Variants in APBA2 observed in about 807,000 individuals in gnomAD.
APBA2 encodes amyloid-beta A4 precursor protein-binding family A member 2.
A neutral mutation model predicts 75.0 loss-of-function variants in APBA2; 30 were observed. The observed-to-expected ratio is 0.40, with a 90% CI of 0.30 to 0.54. APBA2 has a LOEUF of 0.54. APBA2 is among the 20% of genes least tolerant of loss of function. The pLI is 0.49. For synonymous variants in APBA2, 444 were observed against 409.6 expected, an observed-to-expected ratio of 1.08 and a Z score of -1.01; for missense variants, 801 against 1,016.1, an observed-to-expected ratio of 0.79 and a Z score of 2.88.
At chr15:29,089,805 G>C (rs1332333936) in intron 6 of APBA2, among the ~76,000 whole-genome samples, 1 of 152,190 alleles carries the variant, frequency 6.6e-6, no homozygotes, top group African/African-American at 2.4e-5. Flanking sequence ...GGTGTGAAAA[G>C]GATAAATCAC....
At chr15:28,919,308 G>C (rs1209916019) in intron 1 of APBA2, 1 of 152,232 alleles carries the variant, frequency 6.6e-6, no homozygotes. Context: ...TGGGCACTGC[G>C]ACACACAGAA....
chr15:29,068,421 G>A (rs948880072), intron 4 of APBA2, among the ~76,000 whole-genome samples: 2 of 152,238 alleles, frequency 1.3e-5, no homozygotes, highest in Admixed American at 6.5e-5. Context: ...CCCTAGTTCC[G>A]CAGCACTGGT....
At chr15:28,929,270 C>A (rs2034438238) in intron 2 of APBA2, among the ~76,000 whole-genome samples, 1 of 152,176 alleles carries the variant, frequency 6.6e-6, no homozygotes. Flanking sequence ...CTTGCACCCA[C>A]AAGACAGCCT....
intron 2 of APBA2, among the ~76,000 whole-genome samples, chr15:28,948,948 G>T (rs1466801733): frequency 3.3e-5 from 5 of 151,884 alleles, no homozygotes; most frequent in African/African-American, 7.3e-5. Flanking sequence ...TTGTAAAGCG[G>T]GGGGTGGGGC....
chr15:28,923,760 G>A (rs1223990809), intron 2 of APBA2, among the ~76,000 whole-genome samples: 1 of 152,160 alleles, frequency 6.6e-6, no homozygotes, highest in East Asian at 1.9e-4. Flanking sequence ...CTATTGAGTA[G>A]CCCCCTGCTT....
At position 29,054,480 on chromosome 15, in the gene APBA2, A is replaced by C. The variant is rs1277537835; in HGVS notation, c.596A>C (p.Glu199Ala). The part of the protein sequence containing the change: ...SKEGYQDYYP[E>A]EANGNTGASP... ...GAGGGCTACCAGGACTACTACCCCG[A>C]GGAGGCCAACGGGAACACCGGCGCC... The change falls in exon 4 of 15, where the codon GAG becomes GCG. Residue 199 changes from glutamate (E) to alanine (A), a missense_variant. Around this residue, in one of 2 missense-constraint regions of APBA2, gnomAD observed 434 missense variants for 471.6 expected, o/e 0.92. Transcript: ENST00000683413. The surrounding 1 kb of genome is among the most constrained non-coding windows in gnomAD (Gnocchi z 6.1). 6.2e-7 allele frequency: 1 copy of C among 1,614,068 alleles called. No individual in the cohort carries two copies. The highest frequency in any genetic ancestry group is 1.7e-5 in the Admixed American group (1 of 60,012).
rs879267168 is a variant in APBA2, at chr15:29,045,098, TC to T, written c.-40-8746del. Among the ~76,000 whole-genome samples the T allele has an allele frequency of 6.4e-3, 821 of 128,736 alleles. 7 individuals are homozygous for T. The highest frequency in any genetic ancestry group is 0.028 in the Middle Eastern group (8 of 282). The allele number at this position is 128,736 out of a possible 152,430, so 84.5% of individuals were successfully genotyped here. A position where few individuals can be genotyped will look rare whatever the true frequency, so the allele number is the denominator to read the frequency against. On this transcript the variant is annotated intron_variant, in intron 3 of 14. Transcript: ENST00000683413. ...CTCTCTCTCTCTCTCTCTCTCTCTC[TC>T]TCTCGTCTCGCACTGTCACCTGGGC...
intron 4 of APBA2, among the ~76,000 whole-genome samples, chr15:29,060,067 T>C (rs367681611): frequency 6.6e-6 from 1 of 152,310 alleles, no homozygotes; most frequent in South Asian, 2.1e-4. Flanking sequence ...GGCCTCTCCC[T>C]GTATGCTTCA....
chr15:29,006,824 C>G (rs558350765), intron 3 of APBA2, among the ~76,000 whole-genome samples: 4 of 152,316 alleles, frequency 2.6e-5, no homozygotes, highest in African/African-American at 9.6e-5. Flanking sequence ...CATAGCCAAA[C>G]TATGTCATAT....
At chr15:28,944,426 G>A (rs1022778548) in intron 2 of APBA2, among the ~76,000 whole-genome samples, 5 of 152,128 alleles carry the variant, frequency 3.3e-5, no homozygotes, top group African/African-American at 9.7e-5. Context: ...TCCATCACCC[G>A]CCTCACTCGT....
At chr15:29,079,963 G>A (rs77073140) in intron 6 of APBA2, among the ~76,000 whole-genome samples, 7,057 of 152,154 alleles carry the variant, frequency 0.046, 366 homozygotes, top group African/African-American at 0.13. Context: ...ACTTTCCCCC[G>A]TCTGATAGGT....
intron 7 of APBA2, 90 bp from the exon 8 acceptor site, chr15:29,094,188 T>C: frequency 7.1e-7 from 1 of 1,403,080 alleles, no homozygotes; most frequent in South Asian, 1.2e-5. Flanking sequence ...GACCTGAGAG[T>C]GGGGGCATCA....
At chr15:28,913,661 AG>A (rs1410898278) in intron 1 of APBA2, among the ~76,000 whole-genome samples, 2 of 152,208 alleles carry the variant, frequency 1.3e-5, no homozygotes, top group Admixed American at 6.5e-5. Context: ...GTGCTGGCTT[AG>A]GGGTTGGTGC....
intron 3 of APBA2, among the ~76,000 whole-genome samples, chr15:29,018,413 A>G (rs1045690049): frequency 6.6e-6 from 1 of 152,200 alleles, no homozygotes; most frequent in Non-Finnish European, 1.5e-5. Context: ...ATTGGGAGGA[A>G]TTATATATCC....
At chr15:29,037,759 T>A (rs1411477683) in intron 3 of APBA2, among the ~76,000 whole-genome samples, 8 of 152,148 alleles carry the variant, frequency 5.3e-5, no homozygotes, top group African/African-American at 1.9e-4. Context: ...TCCAAGAGCA[T>A]GGTGCCAGCA....
intron 13 of APBA2, among the ~76,000 whole-genome samples, chr15:29,108,861 A>G (rs746737134): frequency 2.0e-5 from 3 of 152,240 alleles, no homozygotes; most frequent in Non-Finnish European, 4.4e-5. Context: ...ATGGGAAGGC[A>G]GGAGTGCTGC....
intron 2 of APBA2, among the ~76,000 whole-genome samples, chr15:28,957,571 G>T (rs938288654): frequency 2.0e-5 from 3 of 152,136 alleles, no homozygotes; most frequent in Non-Finnish European, 4.4e-5. Context: ...TTATTTTCTG[G>T]TTTTTCAATC....
chr15:29,035,527 TG>T (rs1266036854), intron 3 of APBA2, among the ~76,000 whole-genome samples: 1 of 151,990 alleles, frequency 6.6e-6, no homozygotes, highest in Non-Finnish European at 1.5e-5. Context: ...GTGGGGACCT[TG>T]GGGGCGCCAT....
chr15:28,890,742 G>C (rs1328772127), intron 1 of APBA2, among the ~76,000 whole-genome samples: 1 of 152,206 alleles, frequency 6.6e-6, no homozygotes, highest in Admixed American at 6.5e-5. Context: ...CACGCACGAG[G>C]CCTCTTGCCT....
Sources: allele counts gnomAD v4.1 joint callset (sites outside exome capture counted in the v4.1 genomes callset), GRCh38; gene constraint gnomAD v4.1.1; regional missense constraint gnomAD v4.1.1; non-coding constraint Gnocchi (gnomAD v3.1); transcripts MANE v1.5; gene names NCBI Gene and HGNC (gene_info 2026-07-23, HGNC 2026-07-21).